RNF123: variants seen among roughly 807,000 people sequenced by gnomAD.
RNF123 encodes the protein ring finger protein 123, also known as E3 ubiquitin-protein ligase RNF123.
RNF123 carries 86 observed loss-of-function variants against 168.5 expected under a neutral mutation model. The ratio of observed to expected loss-of-function variants is 0.51; its 90% CI spans 0.43 to 0.61. The LOEUF (loss-of-function observed/expected upper bound fraction) is 0.61, where lower values mean the gene tolerates loss of function less well. RNF123 is among the 20% of genes least tolerant of loss of function. The pLI is 0.00. For synonymous variants in RNF123, 666 were observed against 689.1 expected (o/e 0.97, Z 0.52); for missense variants, 1,419 against 1,729.7 (o/e 0.82, Z 3.19).
chr3:49,703,783 G>A (rs567547937), intron 21 of RNF123, among the ~76,000 whole-genome samples: 38 of 152,334 alleles, frequency 2.5e-4, no homozygotes, highest in African/African-American at 6.7e-4. Context: ...TGGATGGGGC[G>A]TGCAGGTGCT....
chr3:49,703,647 C>A, intron 21 of RNF123, 119 bp downstream of exon 21: 1 of 733,400 alleles, frequency 1.4e-6, no homozygotes, highest in Non-Finnish European at 2.3e-6. Flanking sequence ...CCAAGTCTTT[C>A]CACCCACTCA....
intron 19 of RNF123, 74 bp downstream of exon 19, chr3:49,702,479 C>T: frequency 6.3e-7 from 1 of 1,596,066 alleles, no homozygotes; most frequent in Non-Finnish European, 8.6e-7. Flanking sequence ...GCACCTGGCA[C>T]TTCTCGGACT....
chr3:49,699,217 C>A lies in RNF123; in HGVS notation c.764+112C>A. On this transcript the variant is annotated intron_variant, in intron 10 of 38. Transcript: ENST00000327697. This position sits in a 1 kb window ranked among gnomAD's most constrained non-coding sequence, Gnocchi z 4.8. ...GGCTGGTGGCAGGCCCTGGCTGCTG[C>A]AGAGTTAGTGGGGGGCCATGTAGAG... 7.1e-7 allele frequency: 1 copy of A among 1,418,372 alleles called. No homozygotes were observed. The highest frequency in any genetic ancestry group is 9.5e-7 in the Non-Finnish European group (1 of 1,049,760). The allele number at this position is 1,418,372 out of a possible 1,614,324, so 87.9% of individuals were successfully genotyped here.
At chr3:49,719,058 C>T (rs1451383065) in intron 35 of RNF123, 45 of 1,613,860 alleles carry the variant, frequency 2.8e-5, no homozygotes, top group Non-Finnish European at 3.6e-5. Context: ...GAAGCAGCTT[C>T]TCCAGCGCCC....
intron 15 of RNF123, 42 bp from the exon 16 acceptor site, chr3:49,701,449 A>C (rs1477145922): frequency 1.3e-6 from 2 of 1,496,612 alleles, no homozygotes; most frequent in Admixed American, 3.3e-5. Flanking sequence ...GGGTGTGCAG[A>C]GTGCCCTTTG....
At position 49,705,013 on chromosome 3, in the gene RNF123, G is replaced by C. The variant is rs1349394705; in HGVS notation, c.1989G>C (p.Gly663=). The change falls in exon 23 of 39, where the codon GGG becomes GGC. Residue 663 remains glycine (G), a synonymous_variant. Transcript: ENST00000327697. ...CCATGCAGGCCCTGGCTGTTGGGGG[G>C]CCACTGCCCCTGCCCCGGCCCGGCT... The part of the protein sequence containing the change: ...QRPMQALAVG[G]PLPLPRPGWL... 5 of 1,608,100 alleles carry C rather than the reference G, an allele frequency of 3.1e-6. No individual in the cohort carries two copies. Among genetic ancestry groups the C allele is most frequent in the Non-Finnish European group, 4.2e-6 (5 of 1,178,254 alleles).
chr3:49,712,147 C>G (rs759804825), intron 26 of RNF123, among the ~76,000 whole-genome samples: 2 of 151,824 alleles, frequency 1.3e-5, no homozygotes, highest in Non-Finnish European at 2.9e-5. Flanking sequence ...ATCCCTTGAA[C>G]TTGGGAGGCG....
chr3:49,712,878 A>G, intron 27 of RNF123: 1 of 705,510 alleles, frequency 1.4e-6, no homozygotes, highest in Non-Finnish European at 2.6e-6. Flanking sequence ...AGGAAAACAG[A>G]CAAGATGGAA....
At chr3:49,704,847 A>G in intron 22 of RNF123, 91 bp downstream of exon 22, 2 of 1,403,066 alleles carry the variant, frequency 1.4e-6, no homozygotes, top group Non-Finnish European at 1.9e-6. Context: ...TTCCCGCTCC[A>G]TGCAGGCAAA....
chr3:49,721,180 T>C lies in RNF123; in HGVS notation c.3825-5T>C, dbSNP rs757971205. 44 of 1,614,040 alleles carry C rather than the reference T, an allele frequency of 2.7e-5. No individual in the cohort carries two copies. Among genetic ancestry groups the C allele is most frequent in the Non-Finnish European group, 3.6e-5 (43 of 1,180,032 alleles). The stretch of plus-strand genomic sequence containing the variant: ...GGGCAGTCCTCATCCCCTCCCCTGT[T>C]GTAGAGCCTGTATCAACCAGCACCT... On this transcript the variant is annotated splice_polypyrimidine_tract_variant and splice_region_variant and intron_variant, in intron 38 of 38. Transcript: ENST00000327697.
At chr3:49,710,459 T>C (rs1478930347) in intron 26 of RNF123, among the ~76,000 whole-genome samples, 1 of 152,094 alleles carries the variant, frequency 6.6e-6, no homozygotes, top group Non-Finnish European at 1.5e-5. Flanking sequence ...TTTGTATTTT[T>C]AGTAGAGATG....
At chr3:49,718,753 C>T (rs2080311909) in intron 35 of RNF123, 1 of 1,613,202 alleles carries the variant, frequency 6.2e-7, no homozygotes, top group Non-Finnish European at 8.5e-7. Flanking sequence ...GGCGCTCAGG[C>T]CCCGCTGGTG....
chr3:49,700,571 G>A lies in RNF123; in HGVS notation c.1203+7G>A, dbSNP rs202032649. 1.0e-3 allele frequency: 1,674 copies of A among 1,614,174 alleles called. 7 individuals carry two copies. The highest frequency in any genetic ancestry group is 8.4e-3 in the Middle Eastern group (51 of 6,062). On this transcript the variant is annotated splice_region_variant and intron_variant, in intron 14 of 38. Coordinates refer to ENST00000327697, the MANE Select transcript of RNF123 (RefSeq NM_022064.5). The stretch of plus-strand genomic sequence containing the variant: ...CCCAGACCTGGGCCTACAGGTGGGA[G>A]CCCCTACCCCTGCCCTGAGCCCCCT...
At position 49,720,781 on chromosome 3, in the gene RNF123, A is replaced by G. The variant is rs930363322; in HGVS notation, c.3644-19A>G. On this transcript the variant is annotated intron_variant, in intron 36 of 38. Coordinates refer to ENST00000327697, the MANE Select transcript of RNF123 (RefSeq NM_022064.5). The stretch of plus-strand genomic sequence containing the variant: ...CATCCTCAGCTACCTCTGACTTGAC[A>G]CTACCTACCACTCCCCAGATGCGGA... 1.2e-6 allele frequency: 2 copies of G among 1,614,012 alleles called. No homozygotes were observed. Among genetic ancestry groups the G allele is most frequent in the Non-Finnish European group, 1.7e-6 (2 of 1,179,890 alleles).
At position 49,720,822 on chromosome 3, in the gene RNF123, T is replaced by C. The variant is rs755951680; in HGVS notation, c.3666T>C (p.Asp1222=). 1 of 1,614,002 alleles carries C rather than the reference T, an allele frequency of 6.2e-7. No homozygotes were observed. The highest frequency in any genetic ancestry group is 1.1e-5 in the South Asian group (1 of 91,080). ...CAGATGCGGATTATATCAGTGCCGA[T>C]GAGCTGGCCCAAGTGGAACAGATGC... The part of the protein sequence containing the change: ...LQSYADYISA[D]ELAQVEQMLA... Residue 1222 remains aspartate, a synonymous_variant, in exon 37 of 39, where the codon GAT becomes GAC. Transcript: ENST00000327697.
At chr3:49,694,532 A>T (rs2054230409) in intron 3 of RNF123, among the ~76,000 whole-genome samples, 1 of 152,118 alleles carries the variant, frequency 6.6e-6, no homozygotes, top group Non-Finnish European at 1.5e-5. Flanking sequence ...GTGTGGCTAG[A>T]GTGTTTGAAC....
At chr3:49,713,625 T>C (rs374092474) in intron 28 of RNF123, 38 bp downstream of exon 28, 26 of 1,599,116 alleles carry the variant, frequency 1.6e-5, no homozygotes, top group Non-Finnish European at 2.0e-5. Context: ...GGGAGGGGGA[T>C]GGGATGGCAC....
intron 35 of RNF123, chr3:49,718,216 C>CGGCAGCGGG: frequency 6.2e-7 from 1 of 1,610,662 alleles, no homozygotes; most frequent in Non-Finnish European, 8.5e-7. Flanking sequence ...GGGCCAGCGG[C>CGGCAGCGGG]GGCAGCGGCA....
intron 35 of RNF123, chr3:49,717,475 C>CA (rs2080271057): frequency 5.7e-6 from 1 of 175,432 alleles, no homozygotes; most frequent in Non-Finnish European, 1.2e-5. Context: ...CACTCCCTCC[C>CA]ACCCCCTTGG....
Sources: allele counts gnomAD v4.1 joint callset (sites outside exome capture counted in the v4.1 genomes callset), GRCh38; gene constraint gnomAD v4.1.1; non-coding constraint Gnocchi (gnomAD v3.1); transcripts MANE v1.5; gene names NCBI Gene and HGNC (gene_info 2026-07-23, HGNC 2026-07-21).